Variants in SLC39A11 observed in about 807,000 individuals in gnomAD.
SLC39A11 encodes the protein solute carrier family 39 member 11.
In SLC39A11, 33 loss-of-function variants were observed where a neutral mutation model predicts 36.1. The ratio of observed to expected loss-of-function variants is 0.91; its 90% CI spans 0.69 to 1.22. SLC39A11 has a LOEUF of 1.22. Ranked by LOEUF, SLC39A11 falls within the 50% of genes most tolerant of loss-of-function variation. The pLI is 0.00. For missense variants in SLC39A11, 432 were observed against 430.3 expected (o/e 1.00, Z -0.03); for synonymous variants, 166 against 170.3 (o/e 0.97, Z 0.20).
At chr17:72,720,338 G>A (rs561288904) in intron 7 of SLC39A11, among the ~76,000 whole-genome samples, 51 of 136,970 alleles carry the variant, frequency 3.7e-4, no homozygotes, top group African/African-American at 1.4e-3. Context: ...CTAGAAACAG[G>A]AGTAGAAGCA....
intron 4 of SLC39A11, among the ~76,000 whole-genome samples, chr17:72,987,434 G>A (rs1314073809): frequency 6.6e-6 from 1 of 152,090 alleles, no homozygotes; most frequent in African/African-American, 2.4e-5. Flanking sequence ...TGAGTGAATG[G>A]GGCACTTAGC....
At chr17:72,808,910 C>T (rs964525874) in intron 6 of SLC39A11, among the ~76,000 whole-genome samples, 4 of 152,160 alleles carry the variant, frequency 2.6e-5, no homozygotes, top group Non-Finnish European at 5.9e-5. Context: ...CATAAAAATC[C>T]TAGCCTTTAA....
intron 5 of SLC39A11, among the ~76,000 whole-genome samples, chr17:72,876,092 G>C (rs753088010): frequency 6.6e-6 from 1 of 152,162 alleles, no homozygotes; most frequent in Admixed American, 6.5e-5. Context: ...TGCCTTATAG[G>C]GTAGCCCTGC....
chr17:72,803,359 T>TG (rs765348239), intron 6 of SLC39A11, among the ~76,000 whole-genome samples: 1 of 152,276 alleles, frequency 6.6e-6, no homozygotes, highest in Admixed American at 6.5e-5. Flanking sequence ...GCTGTGTCCC[T>TG]GTCTCTACAT....
intron 4 of SLC39A11, among the ~76,000 whole-genome samples, chr17:73,018,680 T>G (rs959154502): frequency 1.1e-4 from 17 of 151,964 alleles, no homozygotes; most frequent in African/African-American, 3.9e-4. Flanking sequence ...AACCAAGACT[T>G]GGGAGTATCA....
chr17:72,675,020 AAGAG>A lies in SLC39A11; in HGVS notation c.672-25756_672-25753del, dbSNP rs543397828. Among the ~76,000 whole-genome samples, 158 of 151,958 alleles carry A rather than the reference AAGAG, an allele frequency of 1.0e-3. 1 individual carries two copies. The highest frequency in any genetic ancestry group is 6.8e-3 in the Middle Eastern group (2 of 294). On this transcript the variant is annotated intron_variant, in intron 7 of 9. Transcript: ENST00000255559. ...TGTGTGTGTGAGACACAGAGACAGA[AAGAG>A]AGAGAGAAAGTTTATCCATCTATCT...
chr17:72,882,145 G>A (rs2081222622), intron 5 of SLC39A11, among the ~76,000 whole-genome samples: 1 of 152,148 alleles, frequency 6.6e-6, no homozygotes, highest in African/African-American at 2.4e-5. Context: ...CAGAGGTCAA[G>A]AGTTCAAGAC....
At chr17:73,047,991 A>AAAAAAAAAAAC (rs2059370556) in intron 3 of SLC39A11, among the ~76,000 whole-genome samples, 1 of 35,966 alleles carries the variant, frequency 2.8e-5, no homozygotes, top group Non-Finnish European at 4.6e-5. Context: ...AAAAAAAAAA[A>AAAAAAAAAAAC]TATATATATA....
At position 73,048,775 on chromosome 17, in the gene SLC39A11, G is replaced by A. The variant is rs115599142; in HGVS notation, c.148-17061C>T. ...AAACTGGCCTACAAGCGGATACTAC[G>A]TATGTTTATTATGTCTCTATTCTTA... On this transcript the variant is annotated intron_variant, in intron 3 of 9. Coordinates refer to ENST00000255559, the MANE Select transcript of SLC39A11 (RefSeq NM_139177.4). Among the ~76,000 whole-genome samples, 656 of 152,264 alleles carry A rather than the reference G, an allele frequency of 4.3e-3. 5 individuals are homozygous for A. Among genetic ancestry groups the A allele is most frequent in the African/African-American group, 0.014 (602 of 41,566 alleles).
chr17:72,795,847 C>T (rs563620855), intron 6 of SLC39A11, among the ~76,000 whole-genome samples: 55 of 152,186 alleles, frequency 3.6e-4, no homozygotes, highest in South Asian at 2.3e-3. Context: ...AAGACAAGGA[C>T]TATTATAAGC....
At position 72,820,438 on chromosome 17, in the gene SLC39A11, C is replaced by T. The variant is rs1251263999; in HGVS notation, c.601+29196G>A. Among the ~76,000 whole-genome samples the T allele has an allele frequency of 1.3e-5, 2 of 151,132 alleles. 1 individual carries two copies. Among genetic ancestry groups the T allele is most frequent in the Non-Finnish European group, 3.0e-5 (2 of 67,462 alleles). On this transcript the variant is annotated intron_variant, in intron 6 of 9. Transcript: ENST00000255559. ...CTCCCTAATTTTCCTTGTGCCTCTCCTCTCTCCTTTGCTGAGCCTTTGCAG... is the reference window on the plus strand; with the variant it reads ...CTCCCTAATTTTCCTTGTGCCTCTCTTCTCTCCTTTGCTGAGCCTTTGCAG...
chr17:72,996,822 C>T (rs1184680498), intron 4 of SLC39A11, among the ~76,000 whole-genome samples: 1 of 152,128 alleles, frequency 6.6e-6, no homozygotes, highest in Non-Finnish European at 1.5e-5. Context: ...TGGCTTCTAC[C>T]ATGTGACTTG....
chr17:72,849,245 G>A (rs1232359102), intron 6 of SLC39A11, among the ~76,000 whole-genome samples: 3 of 152,108 alleles, frequency 2.0e-5, no homozygotes, highest in East Asian at 1.9e-4. Flanking sequence ...GTGAACTCAC[G>A]TAGTTCAGAT....
At chr17:72,944,088 A>C (rs1232481367) in intron 5 of SLC39A11, among the ~76,000 whole-genome samples, 2 of 152,166 alleles carry the variant, frequency 1.3e-5, no homozygotes, top group Admixed American at 6.5e-5. Flanking sequence ...ATCCAATCAG[A>C]TCACACCTCA....
At chr17:72,947,957 CA>C in intron 4 of SLC39A11, 82 bp from the exon 5 acceptor site, 3 of 1,563,352 alleles carry the variant, frequency 1.9e-6, no homozygotes, top group Non-Finnish European at 2.6e-6. Flanking sequence ...GGCGCCAAGG[CA>C]ACTTGCCAGT....
intron 6 of SLC39A11, among the ~76,000 whole-genome samples, chr17:72,794,441 G>T (rs2076822593): frequency 6.6e-6 from 1 of 151,844 alleles, no homozygotes; most frequent in South Asian, 2.1e-4. Context: ...TGATAATATT[G>T]TTCCCCTGAC....
At chr17:72,877,409 G>A (rs937237930) in intron 5 of SLC39A11, among the ~76,000 whole-genome samples, 1 of 152,176 alleles carries the variant, frequency 6.6e-6, no homozygotes, top group African/African-American at 2.4e-5. Flanking sequence ...CCTTTGAAGG[G>A]TGGGCAATTA....
intron 5 of SLC39A11, among the ~76,000 whole-genome samples, chr17:72,867,502 TAAAC>T (rs1210391497): frequency 1.3e-5 from 2 of 151,480 alleles, no homozygotes; most frequent in African/African-American, 2.4e-5. Context: ...TCCATCTCAA[TAAAC>T]AAACAAACAA....
chr17:73,091,579 T>C (rs2060924580), intron 1 of SLC39A11, among the ~76,000 whole-genome samples: 1 of 151,532 alleles, frequency 6.6e-6, no homozygotes, highest in Non-Finnish European at 1.5e-5. Flanking sequence ...GAAAGTTTTC[T>C]GCAGAGTCTC....
Sources: gnomAD v4.1 joint callset for allele counts (sites outside exome capture counted in the v4.1 genomes callset) on GRCh38, gnomAD v4.1.1 for gene constraint, MANE v1.5 for transcripts, NCBI Gene and HGNC (gene_info 2026-07-23, HGNC 2026-07-21) for gene names.